Variants in FCHO2 observed in about 807,000 individuals in gnomAD.
The protein encoded by FCHO2 is F-BAR domain only protein 2.
In FCHO2, 43 loss-of-function variants were observed where a neutral mutation model predicts 114.1. The observed-to-expected ratio is 0.38, with a 90% CI of 0.30 to 0.49. FCHO2 has a LOEUF of 0.49. FCHO2 is among the 20% of genes least tolerant of loss of function. The probability of loss-of-function intolerance (pLI) is 0.97; values close to 1 mark genes in which losing one functional copy is unlikely to be tolerated. For synonymous variants in FCHO2, 293 were observed against 315.2 expected (o/e 0.93, Z 0.75); for missense variants, 807 against 950.4 (o/e 0.85, Z 1.98).
At chr5:73,030,647 C>T (rs1458726560) in intron 8 of FCHO2, among the ~76,000 whole-genome samples, 1 of 152,210 alleles carries the variant, frequency 6.6e-6, no homozygotes, top group Admixed American at 6.5e-5. Flanking sequence ...ATTCCAGGAC[C>T]AGTGGCATCA....
At chr5:72,987,438 A>G (rs1580053875) in intron 2 of FCHO2, among the ~76,000 whole-genome samples, 1 of 152,052 alleles carries the variant, frequency 6.6e-6, no homozygotes, top group African/African-American at 2.4e-5. Context: ...CCCGGATTCA[A>G]GCGATTCTCC....
intron 1 of FCHO2, among the ~76,000 whole-genome samples, chr5:72,960,581 G>C (rs911359561): frequency 2.0e-5 from 3 of 152,122 alleles, no homozygotes; most frequent in South Asian, 4.1e-4. Context: ...ATATTGATCA[G>C]TATTACAGTG....
At chr5:73,080,081 G>C (rs901177072) in intron 22 of FCHO2, among the ~76,000 whole-genome samples, 3 of 152,104 alleles carry the variant, frequency 2.0e-5, no homozygotes, top group African/African-American at 7.2e-5. Context: ...TTTAATCTGT[G>C]GGAAAAGTAT....
rs151144855 is a variant in FCHO2, at chr5:73,075,844, A to G, written c.1691+991A>G. ...AGGCAAAATGCTAAGTTTGAAGTTT[A>G]AGACATCTTAGTGGAAATGTTGAAT... On this transcript the variant is annotated intron_variant, in intron 20 of 25. Coordinates refer to ENST00000430046, the MANE Select transcript of FCHO2 (RefSeq NM_138782.3). Among the ~76,000 whole-genome samples the G allele has an allele frequency of 1.8e-3, 281 of 152,268 alleles. 3 individuals carry two copies. Among genetic ancestry groups the G allele is most frequent in the African/African-American group, 6.4e-3 (266 of 41,552 alleles).
At chr5:72,997,745 AG>A (rs1222110326) in intron 5 of FCHO2, 78 of 1,416,136 alleles carry the variant, frequency 5.5e-5, no homozygotes, top group Non-Finnish European at 7.2e-5. Flanking sequence ...CTGCCTGGGC[AG>A]GGTCTGCCCC....
intron 17 of FCHO2, among the ~76,000 whole-genome samples, chr5:73,063,274 T>G (rs1400537461): frequency 1.3e-5 from 2 of 152,084 alleles, no homozygotes; most frequent in African/African-American, 4.8e-5. Context: ...TTTTGAACAC[T>G]TACCAAAGTT....
At chr5:72,963,244 G>A (rs1751973755) in intron 1 of FCHO2, among the ~76,000 whole-genome samples, 2 of 152,170 alleles carry the variant, frequency 1.3e-5, no homozygotes, top group Admixed American at 1.3e-4. Context: ...AGTGGTGGTG[G>A]TGGAGCCTTA....
At chr5:73,049,832 T>TTG (rs760914774) in intron 11 of FCHO2, among the ~76,000 whole-genome samples, 49 of 151,940 alleles carry the variant, frequency 3.2e-4, no homozygotes, top group Non-Finnish European at 5.9e-4. Context: ...TCTAAACAAA[T>TTG]TGTGTGTGTG....
At chr5:73,087,809 C>T (rs1743362275) in intron 25 of FCHO2, 56 bp downstream of exon 25, 16 of 1,518,108 alleles carry the variant, frequency 1.1e-5, no homozygotes, top group Admixed American at 2.3e-5. Context: ...TGTATTCTAA[C>T]AGTTATTAAA....
intron 8 of FCHO2, among the ~76,000 whole-genome samples, chr5:73,025,169 T>TG (rs1561457864): frequency 6.6e-6 from 1 of 152,074 alleles, no homozygotes; most frequent in African/African-American, 2.4e-5. Flanking sequence ...TGAGTTGCTA[T>TG]GGGTGACTAA....
At chr5:73,016,327 A>AATATTTTAAATTGTTTAAATATTAAAAC (rs1755307898) in intron 7 of FCHO2, among the ~76,000 whole-genome samples, 1 of 149,674 alleles carries the variant, frequency 6.7e-6, no homozygotes, top group East Asian at 1.9e-4. Flanking sequence ...AATATTAAAA[A>AATATTTTAAATTGTTTAAATATTAAAAC]ATATTTTAAA....
At chr5:73,061,733 C>T (rs1028370907) in intron 17 of FCHO2, among the ~76,000 whole-genome samples, 3 of 152,060 alleles carry the variant, frequency 2.0e-5, no homozygotes, top group Admixed American at 2.0e-4. Context: ...TTAATAGCTC[C>T]AGTGTTGCTC....
At chr5:73,022,456 T>C (rs1229152545) in intron 8 of FCHO2, among the ~76,000 whole-genome samples, 1 of 152,178 alleles carries the variant, frequency 6.6e-6, no homozygotes, top group Non-Finnish European at 1.5e-5. Context: ...TTTTTACTGC[T>C]TTTTGCTTTT....
At chr5:73,072,127 C>G (rs574566264) in intron 19 of FCHO2, among the ~76,000 whole-genome samples, 39 of 151,796 alleles carry the variant, frequency 2.6e-4, no homozygotes, top group Admixed American at 5.3e-4. Flanking sequence ...TTCCTGGGTT[C>G]AAGCAGTCCT....
At position 73,087,924 on chromosome 5, in the gene FCHO2, G is replaced by C; in HGVS notation, c.2411-144G>C. 3 of 1,387,274 alleles carry C rather than the reference G, an allele frequency of 2.2e-6. No individual in the cohort carries two copies. In the South Asian group the frequency reaches 3.8e-5, roughly 18 times the overall value. 85.9% of individuals were successfully genotyped at this position (1,387,274 alleles called of 1,614,324 possible). A position where few individuals can be genotyped will look rare whatever the true frequency, so the allele number is the denominator to read the frequency against. The stretch of plus-strand genomic sequence containing the variant: ...ACCTGGGAGAGAGTTCTTACGGTCA[G>C]TATAGCTGAACACCTGTTATCTGAT... On this transcript the variant is annotated intron_variant, in intron 25 of 25. Transcript: ENST00000430046.
chr5:73,048,412 T>C (rs2112826955), intron 11 of FCHO2, among the ~76,000 whole-genome samples: 1 of 152,114 alleles, frequency 6.6e-6, no homozygotes, highest in Admixed American at 6.5e-5. Context: ...GCCACTGCAC[T>C]CCAGCCTGGG....
At chr5:73,087,881 G>A (rs1408054191) in intron 25 of FCHO2, 128 bp downstream of exon 25, 2 of 1,409,328 alleles carry the variant, frequency 1.4e-6, no homozygotes, top group East Asian at 4.6e-5. Context: ...CTTGGTACAA[G>A]GTGCCAGGTA....
At chr5:72,961,363 T>G (rs1242602228) in intron 1 of FCHO2, among the ~76,000 whole-genome samples, 1 of 152,156 alleles carries the variant, frequency 6.6e-6, no homozygotes, top group Non-Finnish European at 1.5e-5. Context: ...GAATAAAGGC[T>G]TTTCATTACT....
intron 1 of FCHO2, among the ~76,000 whole-genome samples, chr5:72,960,524 A>G (rs1751801354): frequency 6.6e-6 from 1 of 152,194 alleles, no homozygotes; most frequent in African/African-American, 2.4e-5. Context: ...ATTAAACATT[A>G]TGTAACTTTA....
Sources: gnomAD v4.1 joint callset for allele counts (sites outside exome capture counted in the v4.1 genomes callset) on GRCh38, gnomAD v4.1.1 for gene constraint, MANE v1.5 for transcripts, NCBI Gene and HGNC (gene_info 2026-07-23, HGNC 2026-07-21) for gene names.